The following FAF1 variants were observed in gnomAD, a reference collection of about 807,000 sequenced individuals.
FAF1 encodes FAS-associated factor 1.
Under a neutral mutation model 92.5 loss-of-function variants are expected in FAF1, and 25 were observed. The ratio of observed to expected loss-of-function variants is 0.27; its 90% CI spans 0.20 to 0.38. The LOEUF (loss-of-function observed/expected upper bound fraction) is 0.38, where lower values mean the gene tolerates loss of function less well. Ranked by LOEUF, FAF1 falls within the 10% of genes least tolerant of loss-of-function variation. FAF1 has a pLI of 1.00. For missense variants in FAF1, 636 were observed against 793.3 expected, an observed-to-expected ratio of 0.80 and a Z score of 2.38; for synonymous variants, 234 against 273.2, an observed-to-expected ratio of 0.86 and a Z score of 1.42.
rs59066916 is a variant in FAF1 at position 50,556,856 on chromosome 1, T to TAAAATAAAATAAAATAAA, written c.1268+10220_1268+10221insTTTATTTTATTTTATTTT. On this transcript the variant is annotated intron_variant, in intron 13 of 18. Coordinates refer to ENST00000396153, the MANE Select transcript of FAF1 (RefSeq NM_007051.3). Reference sequence around the variant, plus strand: ...CTGTCTCAAACATAAAATAAAATAATATAAAATAAAATAAAATAAAATAAA... The same window carrying TAAAATAAAATAAAATAAA: ...CTGTCTCAAACATAAAATAAAATAATAAAATAAAATAAAATAAAATAAAATAAAATAAAATAAAATAAA... Among the ~76,000 whole-genome samples the TAAAATAAAATAAAATAAA allele has an allele frequency of 4.8e-4, 72 of 151,266 alleles. 2 individuals carry two copies. The highest frequency in any genetic ancestry group is 1.6e-3 in the African/African-American group (68 of 41,286).
intron 7 of FAF1, among the ~76,000 whole-genome samples, chr1:50,684,911 T>C (rs1292778943): frequency 1.3e-5 from 2 of 152,232 alleles, no homozygotes; most frequent in African/African-American, 4.8e-5. Flanking sequence ...GAAGAGTATA[T>C]AGGCTATAAG....
intron 1 of FAF1, among the ~76,000 whole-genome samples, chr1:50,863,646 T>C (rs901625155): frequency 5.3e-5 from 8 of 152,128 alleles, no homozygotes; most frequent in Non-Finnish European, 1.2e-4. Context: ...TCATCAAGGA[T>C]ATTGGTCTAA....
At chr1:50,691,652 C>T (rs1477212264) in intron 7 of FAF1, among the ~76,000 whole-genome samples, 2 of 151,702 alleles carry the variant, frequency 1.3e-5, no homozygotes, top group Non-Finnish European at 2.9e-5. Context: ...AGTGCAATGG[C>T]GCGATCTCGG....
chr1:50,801,795 AT>A (rs934916789), intron 2 of FAF1, 118 bp from the exon 3 acceptor site: 35 of 612,782 alleles, frequency 5.7e-5, no homozygotes, highest in Non-Finnish European at 9.3e-5. Flanking sequence ...CATAATACTA[AT>A]TTTTTTAGTG....
intron 13 of FAF1, among the ~76,000 whole-genome samples, chr1:50,561,356 A>T (rs1287003541): frequency 2.0e-5 from 3 of 152,132 alleles, no homozygotes; most frequent in Non-Finnish European, 4.4e-5. Flanking sequence ...CTGTAAGGAG[A>T]ATGAAGGCTT....
chr1:50,933,746 AG>A (rs35368236), intron 1 of FAF1, among the ~76,000 whole-genome samples: 2 of 152,262 alleles, frequency 1.3e-5, no homozygotes, highest in African/African-American at 4.8e-5. Context: ...CATCCAAAAC[AG>A]GGAACAAAGA....
rs954225496 is a variant in FAF1, at chr1:50,437,640, C to G, written c.*3800G>C. On this transcript the variant is annotated 3_prime_UTR_variant, in exon 19 of 19. Coordinates refer to ENST00000396153, the MANE Select transcript of FAF1 (RefSeq NM_007051.3). ...CTGGTCTTGAACTTCTGGCCTCAAG[C>G]AATCCTCCTGCCTTTGCCTCCCAAA... 6.6e-6 allele frequency: 1 copy of G among 152,110 alleles called. No homozygotes were observed. Among genetic ancestry groups the G allele is most frequent in the Non-Finnish European group, 1.5e-5 (1 of 68,042 alleles). The allele number at this position is 152,110 out of a possible 1,614,324, so 9.4% of individuals were successfully genotyped here.
chr1:50,701,276 T>C (rs1657462236), intron 7 of FAF1, among the ~76,000 whole-genome samples: 1 of 152,116 alleles, frequency 6.6e-6, no homozygotes, highest in Non-Finnish European at 1.5e-5. Flanking sequence ...CTTACACTTT[T>C]AATTAAATAA....
chr1:50,822,977 T>G (rs1443958182), intron 2 of FAF1, among the ~76,000 whole-genome samples: 1 of 152,050 alleles, frequency 6.6e-6, no homozygotes, highest in African/African-American at 2.4e-5. Context: ...TTTCTCCACG[T>G]TGGTGAGGCT....
intron 12 of FAF1, among the ~76,000 whole-genome samples, chr1:50,569,424 T>C (rs1650325758): frequency 6.6e-6 from 1 of 152,090 alleles, no homozygotes; most frequent in African/African-American, 2.4e-5. Flanking sequence ...AGATACCCAA[T>C]AGCAATGGCA....
At chr1:50,933,640 G>A (rs1055818214) in intron 1 of FAF1, among the ~76,000 whole-genome samples, 4 of 152,090 alleles carry the variant, frequency 2.6e-5, no homozygotes, top group Non-Finnish European at 4.4e-5. Flanking sequence ...CAGTTCCAAC[G>A]TCGCATCCAA....
chr1:50,741,366 G>A (rs554035964), intron 5 of FAF1, among the ~76,000 whole-genome samples: 1 of 152,328 alleles, frequency 6.6e-6, no homozygotes, highest in South Asian at 2.1e-4. Flanking sequence ...GAGTAAGAAA[G>A]GCTCAAGATG....
intron 1 of FAF1, among the ~76,000 whole-genome samples, chr1:50,871,168 C>T (rs774791971): frequency 2.6e-5 from 4 of 152,134 alleles, no homozygotes; most frequent in Non-Finnish European, 5.9e-5. Flanking sequence ...GGTGAGGACA[C>T]GCAGAAGAAA....
intron 13 of FAF1, among the ~76,000 whole-genome samples, chr1:50,553,529 A>G (rs1649410162): frequency 6.6e-6 from 1 of 152,154 alleles, no homozygotes; most frequent in South Asian, 2.1e-4. Context: ...TCAAGCTGGA[A>G]AACAATGGGG....
intron 7 of FAF1, among the ~76,000 whole-genome samples, chr1:50,694,792 CAA>C (rs371721063): frequency 0.018 from 982 of 55,786 alleles, 14 homozygotes; most frequent in African/African-American, 0.054. Flanking sequence ...CTAAAAAATA[CAA>C]AAAAAAAAAA....
At chr1:50,559,107 C>T (rs1649736919) in intron 13 of FAF1, among the ~76,000 whole-genome samples, 1 of 152,050 alleles carries the variant, frequency 6.6e-6, no homozygotes, top group East Asian at 1.9e-4. Flanking sequence ...AAAAATTAGC[C>T]AGGCATGGTG....
chr1:50,587,368 G>GA (rs1254079006), intron 9 of FAF1, among the ~76,000 whole-genome samples: 2 of 151,940 alleles, frequency 1.3e-5, no homozygotes, highest in Non-Finnish European at 2.9e-5. Context: ...CAATTTTGTT[G>GA]AAAAAAGTAT....
chr1:50,637,693 G>A (rs1654114260), intron 8 of FAF1, among the ~76,000 whole-genome samples: 1 of 150,230 alleles, frequency 6.7e-6, no homozygotes, highest in African/African-American at 2.5e-5. Flanking sequence ...GTGTGTGTGT[G>A]TGTGTGTGTG....
intron 8 of FAF1, among the ~76,000 whole-genome samples, chr1:50,640,355 C>T (rs1400702893): frequency 1.3e-5 from 2 of 149,788 alleles, no homozygotes; most frequent in African/African-American, 4.9e-5. Flanking sequence ...TGCAGTGGTG[C>T]GATCTCGGCT....
Sources: allele counts gnomAD v4.1 joint callset (sites outside exome capture counted in the v4.1 genomes callset), GRCh38; gene constraint gnomAD v4.1.1; transcripts MANE v1.5; gene names NCBI Gene and HGNC (gene_info 2026-07-23, HGNC 2026-07-21).